The following ZNF287 variants were observed in gnomAD, a reference collection of about 807,000 sequenced individuals.
The protein encoded by ZNF287 is zinc finger protein 287, also known as zinc finger protein with KRAB and SCAN domains 13.
In ZNF287, 31 loss-of-function variants were observed where a neutral mutation model predicts 73.7. The observed-to-expected ratio is 0.42, with a 90% CI of 0.32 to 0.57. The LOEUF (loss-of-function observed/expected upper bound fraction) is 0.57. Among genes scored for constraint, ZNF287 ranks in the 20% least tolerant of loss-of-function variants. ZNF287 has a pLI of 0.13. For missense variants in ZNF287, 641 were observed against 909.3 expected, an observed-to-expected ratio of 0.70 and a Z score of 3.79; for synonymous variants, 301 against 307.2, an observed-to-expected ratio of 0.98 and a Z score of 0.21.
Position 16,547,045 on chromosome 17 carries a change from A to G in ZNF287, c.*4811T>C, listed in dbSNP as rs1195694805. On this transcript the variant is annotated 3_prime_UTR_variant, in exon 6 of 6. Transcript: ENST00000395825. ...AGAGCCATGGGGAGAACAGAAACAG[A>G]GGAGTAAGAATACATTTTCGGGCAC... Among the ~76,000 whole-genome samples the G allele has an allele frequency of 6.6e-6, 1 of 152,248 alleles. No individual in the cohort carries two copies. Among genetic ancestry groups the G allele is most frequent in the Non-Finnish European group, 1.5e-5 (1 of 68,046 alleles).
chr17:16,549,967 T>C lies in ZNF287; in HGVS notation c.*1889A>G, dbSNP rs1906539350. Among the ~76,000 whole-genome samples the C allele has an allele frequency of 6.6e-6, 1 of 152,204 alleles. No individual in the cohort carries two copies. The highest frequency in any genetic ancestry group is 6.5e-5 in the Admixed American group (1 of 15,276). ...TATTACTGAAATCTAATTTATATAA[T>C]TTATTCATTAATTCAACCATGTATT... On this transcript the variant is annotated 3_prime_UTR_variant, in exon 6 of 6. Transcript: ENST00000395825.
chr17:16,561,342 C>G (rs1358598739), intron 5 of ZNF287, among the ~76,000 whole-genome samples: 1 of 152,096 alleles, frequency 6.6e-6, no homozygotes, highest in Non-Finnish European at 1.5e-5. Flanking sequence ...AGAAAATCAC[C>G]ATTTTGCAAC....
rs1360202783 is a variant in ZNF287, at chr17:16,548,997, T to C, written c.*2859A>G. 6.6e-6 allele frequency among the ~76,000 whole-genome samples: 1 copy of C among 152,156 alleles called. No homozygotes were observed. The highest frequency in any genetic ancestry group is 2.4e-5 in the African/African-American group (1 of 41,426). On this transcript the variant is annotated 3_prime_UTR_variant, in exon 6 of 6. Transcript: ENST00000395825. ...GTTATGTAAAAGACCATCCTTATTTTTGTAAGATGCATGCTGAAGTATTTA... is the reference window on the plus strand; with the variant it reads ...GTTATGTAAAAGACCATCCTTATTTCTGTAAGATGCATGCTGAAGTATTTA...
At chr17:16,568,361 C>T (rs1907876649) in intron 1 of ZNF287, among the ~76,000 whole-genome samples, 1 of 152,056 alleles carries the variant, frequency 6.6e-6, no homozygotes, top group Non-Finnish European at 1.5e-5. Context: ...CCCAAGGGAA[C>T]TGTCAGGGGA....
At chr17:16,553,466 G>A in intron 5 of ZNF287, 40 bp from the exon 6 acceptor site, 1 of 1,402,200 alleles carries the variant, frequency 7.1e-7, no homozygotes, top group Non-Finnish European at 9.4e-7. Context: ...CATTTATTTG[G>A]AGAAAGGAAA....
chr17:16,552,714 T>G lies in ZNF287; in HGVS notation c.1428A>C (p.Gly476=), dbSNP rs563708964. The stretch of plus-strand genomic sequence containing the variant: ...ATTCCAAGCATTTATATGGTTTCTC[T>G]CCAGTATGTGTCCTTTGATGGATGG... ...HLTIHQRTHT[G]EKPYKCLECG... Residue 476 remains glycine, a synonymous_variant, in exon 6 of 6, where the codon GGA becomes GGC. Transcript: ENST00000395825. This position sits in a 1 kb window ranked among gnomAD's most constrained non-coding sequence, Gnocchi z 6.5. 10 of 1,614,178 alleles carry G rather than the reference T, an allele frequency of 6.2e-6. No individual in the cohort carries two copies. The East Asian group carries it at 6.7e-5, about 11-fold the overall frequency.
chr17:16,563,955 T>G, intron 3 of ZNF287, 130 bp from the exon 4 acceptor site: 1 of 1,069,238 alleles, frequency 9.4e-7, no homozygotes, highest in Non-Finnish European at 1.3e-6. Flanking sequence ...AGAAGTTGTC[T>G]AGTCAAAACC....
intron 1 of ZNF287, 108 bp from the exon 2 acceptor site, chr17:16,568,037 C>A: frequency 9.6e-7 from 1 of 1,044,104 alleles, no homozygotes; most frequent in African/African-American, 1.7e-5. Flanking sequence ...CACACATAAG[C>A]TTTACCTTGT....
In ZNF287 at chr17:16,551,598, G is replaced by A. The variant is rs1366373733; in HGVS notation, c.*258C>T. ...TTGAAATAGAGAGTTGATGAGTTAT[G>A]TTTTTGAATACCCTTCACAGGGTTT... On this transcript the variant is annotated 3_prime_UTR_variant, in exon 6 of 6. Transcript: ENST00000395825. 2.4e-5 allele frequency: 10 copies of A among 411,294 alleles called. No individual in the cohort carries two copies. The highest frequency in any genetic ancestry group is 1.2e-4 in the African/African-American group (6 of 48,608). The allele number at this position is 411,294 out of a possible 1,614,324, so 25.5% of individuals were successfully genotyped here. A position where few individuals can be genotyped will look rare whatever the true frequency, so the allele number is the denominator to read the frequency against.
intron 5 of ZNF287, among the ~76,000 whole-genome samples, chr17:16,560,310 GTATATA>G (rs71152817): frequency 1.8e-5 from 2 of 112,872 alleles, no homozygotes; most frequent in East Asian, 2.3e-4. Flanking sequence ...CAACAGTGGT[GTATATA>G]TATATATATA....
At position 16,551,854 on chromosome 17, in the gene ZNF287, C is replaced by T. The variant is rs769423179; in HGVS notation, c.*2G>A. 5 of 1,567,018 alleles carry T rather than the reference C, an allele frequency of 3.2e-6. No individual in the cohort carries two copies. In the African/African-American group the frequency reaches 6.8e-5, roughly 21 times the overall value. ...AAACCGAATTGAAGTTTCCCTTATC[C>T]ATTAATTACGATGTTTGGCACCTGT... On this transcript the variant is annotated 3_prime_UTR_variant, in exon 6 of 6. Coordinates refer to ENST00000395825, the MANE Select transcript of ZNF287 (RefSeq NM_020653.4).
chr17:16,561,077 A>AGGC, intron 5 of ZNF287, among the ~76,000 whole-genome samples: 1 of 152,194 alleles, frequency 6.6e-6, no homozygotes, highest in East Asian at 1.9e-4. Context: ...GCACTTTGGG[A>AGGC]GGCCAAGGCG....
At chr17:16,563,048 G>T in intron 5 of ZNF287, 98 bp downstream of exon 5, 1 of 951,892 alleles carries the variant, frequency 1.1e-6, no homozygotes, top group Non-Finnish European at 1.6e-6. Flanking sequence ...GAATGCCTTT[G>T]CAAAAAGTGA....
At chr17:16,568,040 T>G in intron 1 of ZNF287, 111 bp from the exon 2 acceptor site, 5 of 993,856 alleles carry the variant, frequency 5.0e-6, no homozygotes, top group Non-Finnish European at 4.9e-6. Context: ...ACATAAGCTT[T>G]ACCTTGTCTT....
In ZNF287 at chr17:16,547,402, C is replaced by A. The variant is rs2142437740; in HGVS notation, c.*4454G>T. 6.6e-6 allele frequency among the ~76,000 whole-genome samples: 1 copy of A among 152,290 alleles called. No homozygotes were observed. Among genetic ancestry groups the A allele is most frequent in the Non-Finnish European group, 1.5e-5 (1 of 68,018 alleles). On this transcript the variant is annotated 3_prime_UTR_variant, in exon 6 of 6. Coordinates refer to ENST00000395825, the MANE Select transcript of ZNF287 (RefSeq NM_020653.4). ...TATTCCCTTGTAAATTTCCTGATGGCATTGTCACAGGCCTTTTGCAGCTAA... is the reference window on the plus strand; with the variant it reads ...TATTCCCTTGTAAATTTCCTGATGGAATTGTCACAGGCCTTTTGCAGCTAA...
Position 16,567,895 on chromosome 17 carries a change from C to G in ZNF287, c.-164G>C, listed in dbSNP as rs1597476078. The stretch of plus-strand genomic sequence containing the variant: ...GAGTTAGCAGCCTTAGTGACAAATT[C>G]TGAGCCCAGAACTTGCAGGGATGGA... On this transcript the variant is annotated 5_prime_UTR_variant, in exon 2 of 6. Transcript: ENST00000395825. The G allele has an allele frequency of 2.8e-6, 4 of 1,432,586 alleles. No homozygotes were observed. Among genetic ancestry groups the G allele is most frequent in the Middle Eastern group, 2.6e-4 (1 of 3,878 alleles). The allele number at this position is 1,432,586 out of a possible 1,614,324, so 88.7% of individuals were successfully genotyped here.
chr17:16,548,353 C>G lies in ZNF287; in HGVS notation c.*3503G>C, dbSNP rs989446191. 2.0e-5 allele frequency among the ~76,000 whole-genome samples: 3 copies of G among 152,074 alleles called. No homozygotes were observed. The highest frequency in any genetic ancestry group is 6.6e-5 in the Admixed American group (1 of 15,262). On this transcript the variant is annotated 3_prime_UTR_variant, in exon 6 of 6. Coordinates refer to ENST00000395825, the MANE Select transcript of ZNF287 (RefSeq NM_020653.4). ...ATGAAATACATCTGTGAGGTGTTAT[C>G]ATTAAAAATGTTTAAACAACCCAAT...
rs1169555819 is a variant in ZNF287, at chr17:16,567,383, T to C, written c.349A>G (p.Ser117Gly). Residue 117 changes from serine (S) to glycine (G), a missense_variant, in exon 2 of 6, where the codon AGC (serine) becomes GGC (glycine). By Grantham distance (56) the Ser-to-Gly change is moderately conservative. Transcript: ENST00000395825. ...TCCACCAGAGTCACTGCTTCCTCGC[T>C]GCTCTCTGGATACTGGGACTTTACC... The part of the protein sequence containing the change: ...TWVKSQYPES[S>G]EEAVTLVEDL... 1 of 1,614,206 alleles carries C rather than the reference T, an allele frequency of 6.2e-7. No individual in the cohort carries two copies. The highest frequency in any genetic ancestry group is 2.2e-5 in the East Asian group (1 of 44,880).
chr17:16,560,882 C>T (rs1261419553), intron 5 of ZNF287, among the ~76,000 whole-genome samples: 1 of 149,252 alleles, frequency 6.7e-6, no homozygotes, highest in African/African-American at 2.5e-5. Context: ...GGGTGCCTGT[C>T]GTCCCAGCTA....
Sources: gnomAD v4.1 joint callset for allele counts (sites outside exome capture counted in the v4.1 genomes callset) on GRCh38, gnomAD v4.1.1 for gene constraint, Gnocchi (gnomAD v3.1) non-coding constraint, MANE v1.5 for transcripts, NCBI Gene and HGNC (gene_info 2026-07-23, HGNC 2026-07-21) for gene names.